GOLGA8R: variants seen among roughly 807,000 people sequenced by gnomAD.
GOLGA8R encodes the protein golgin A8 family member R, also known as golgin subfamily A member 8R.
GOLGA8R carries 6 observed loss-of-function variants against 21.4 expected under a neutral mutation model. That is an observed-to-expected ratio of 0.28 (90% CI 0.15 to 0.55). The LOEUF (loss-of-function observed/expected upper bound fraction) is 0.55. GOLGA8R is among the 20% of genes least tolerant of loss of function. The pLI, the probability that GOLGA8R is intolerant of heterozygous loss-of-function variation, is 0.94. For synonymous variants in GOLGA8R, 8 were observed against 49.3 expected (o/e 0.16, Z 3.51); for missense variants, 41 against 139.9 (o/e 0.29, Z 3.57).
intron 10 of GOLGA8R, 38 bp from the exon 11 acceptor site, chr15:30,408,030 GGGCTGGT>G: frequency 6.2e-7 from 1 of 1,612,452 alleles, no homozygotes; most frequent in South Asian, 1.1e-5. Flanking sequence ...CTGGAGAGAG[GGGCTGGT>G]GGCTGGACAG....
In GOLGA8R at chr15:30,401,031, TTAAA is replaced by T. The variant is rs1366604177; in HGVS notation, c.*2705_*2708del. On this transcript the variant is annotated 3_prime_UTR_variant, in exon 19 of 19. Transcript: ENST00000327271. The stretch of plus-strand genomic sequence containing the variant: ...AAATGATTATTATACATTGCCATCT[TTAAA>T]TAGGTATTTTGATTCTTCCTACAGA... Among the ~76,000 whole-genome samples, 1 of 52,426 alleles carries T rather than the reference TTAAA, an allele frequency of 1.9e-5. No homozygotes were observed. Among genetic ancestry groups the T allele is most frequent in the Non-Finnish European group, 4.2e-5 (1 of 23,790 alleles). The allele number at this position is 52,426 out of a possible 152,430, so 34.4% of individuals were successfully genotyped here.
Position 30,411,969 on chromosome 15 carries a change from G to C in GOLGA8R, c.168+360C>G, listed in dbSNP as rs2059127942. 2 of 152,202 alleles carry C rather than the reference G, an allele frequency of 1.3e-5. 1 individual carries two copies. 9.4% of individuals were successfully genotyped at this position (152,202 alleles called of 1,614,324 possible). On this transcript the variant is annotated intron_variant, in intron 2 of 18. Transcript: ENST00000327271. ...AGAGTCTTGCTCTGTCACCAGGCTG[G>C]AGTGCGGTGGCATAATCTTGGCCAC...
chr15:30,407,782 T>G, intron 11 of GOLGA8R, 126 bp downstream of exon 11: 1 of 1,595,796 alleles, frequency 6.3e-7, no homozygotes, highest in Non-Finnish European at 8.6e-7. Context: ...TGCGGTCTCC[T>G]GGCACAGATC....
intron 10 of GOLGA8R, 63 bp from the exon 11 acceptor site, chr15:30,408,055 T>G: frequency 6.7e-7 from 1 of 1,492,390 alleles, no homozygotes; most frequent in Non-Finnish European, 9.3e-7. Flanking sequence ...CAGGCTGCCC[T>G]CTCCTTCTCT....
At chr15:30,407,606 T>A (rs1192879534) in intron 11 of GOLGA8R, 75 bp from the exon 12 acceptor site, 1 of 629,342 alleles carries the variant, frequency 1.6e-6, no homozygotes, top group African/African-American at 1.8e-5. Flanking sequence ...GCACAGCTCC[T>A]CTCAGGCTCC....
intron 15 of GOLGA8R, among the ~76,000 whole-genome samples, 152 bp from the exon 16 acceptor site, chr15:30,404,684 GC>G (rs1297598972): frequency 1.2e-4 from 15 of 121,900 alleles, no homozygotes; most frequent in Non-Finnish European, 2.4e-4. Context: ...TCACAGACTC[GC>G]CCCCAGGCCC....
rs1031819052 is a variant in GOLGA8R at position 30,403,321 on chromosome 15, A to T, written c.*419T>A. On this transcript the variant is annotated 3_prime_UTR_variant, in exon 19 of 19. Transcript: ENST00000327271. ...TGTGATTAAGATTACATCAAACAACAGCAGAACATAGGCAAATTTTGTCTG... is the reference window on the plus strand; with the variant it reads ...TGTGATTAAGATTACATCAAACAACTGCAGAACATAGGCAAATTTTGTCTG... Among the ~76,000 whole-genome samples, 1 of 42,042 alleles carries T rather than the reference A, an allele frequency of 2.4e-5. No individual in the cohort carries two copies. The highest frequency in any genetic ancestry group is 2.6e-4 in the Admixed American group (1 of 3,866). The allele number at this position is 42,042 out of a possible 152,430, so 27.6% of individuals were successfully genotyped here.
At position 30,407,903 on chromosome 15, in the gene GOLGA8R, C is replaced by A; in HGVS notation, c.871+5G>T. On this transcript the variant is annotated splice_donor_5th_base_variant and intron_variant, in intron 11 of 18. Transcript: ENST00000327271. Reference sequence around the variant, plus strand: ...TGCTCCCAGGTCATGCCAGCCCCATCTTACCCGTCTGGTTTTTGAGTTTGG... The same window carrying A: ...TGCTCCCAGGTCATGCCAGCCCCATATTACCCGTCTGGTTTTTGAGTTTGG... 2 of 1,611,944 alleles carry A rather than the reference C, an allele frequency of 1.2e-6. No homozygotes were observed. Among genetic ancestry groups the A allele is most frequent in the Admixed American group, 1.7e-5 (1 of 60,016 alleles).
rs1478612002 is a variant in GOLGA8R, at chr15:30,400,936, CA to C, written c.*2803del. 3.2e-5 allele frequency among the ~76,000 whole-genome samples: 2 copies of C among 61,832 alleles called. No individual in the cohort carries two copies. Among genetic ancestry groups the C allele is most frequent in the African/African-American group, 9.4e-5 (2 of 21,260 alleles). The allele number at this position is 61,832 out of a possible 152,430, so 40.6% of individuals were successfully genotyped here. On this transcript the variant is annotated 3_prime_UTR_variant, in exon 19 of 19. Transcript: ENST00000327271. ...TTTACATTTTCAAATTTTCTAAAAT[CA>C]GCTTTGGTTTTAGAGCTGATTTTTT...
chr15:30,407,923 G>C lies in GOLGA8R; in HGVS notation c.856C>G (p.Leu286Val), dbSNP rs763367394. Residue 286 changes from leucine (L) to valine (V), a missense_variant, in exon 11 of 19, where the codon CTC becomes GTC. Physicochemically the swap from Leu to Val is conservative, Grantham distance 32. This residue lies in a region of GOLGA8R where 38 missense variants were observed against 32.6 expected (regional missense o/e 1.17). Coordinates refer to ENST00000327271, the MANE Select transcript of GOLGA8R (RefSeq NM_001282484.1). ...CCCATCTTACCCGTCTGGTTTTTGA[G>C]TTTGGACAAGCTCCACTCCAGCTGC... ...VEQLEWSLSK[L>V]KNQTAEPLPP... The C allele has an allele frequency of 3.7e-6, 6 of 1,610,640 alleles. No homozygotes were observed. The South Asian group carries it at 6.6e-5, about 18-fold the overall frequency.
In GOLGA8R at chr15:30,408,005, C is replaced by A. The variant is rs1319379856; in HGVS notation, c.787-13G>T. The A allele has an allele frequency of 1.9e-6, 3 of 1,613,196 alleles. No individual in the cohort carries two copies. The highest frequency in any genetic ancestry group is 4.5e-5 in the East Asian group (2 of 44,890). The stretch of plus-strand genomic sequence containing the variant: ...TTAATGTGCAAATCTGCCCAAAGCA[C>A]AGGGGGAAAGGGCCCTGGAGAGAGG... On this transcript the variant is annotated splice_polypyrimidine_tract_variant and intron_variant, in intron 10 of 18. Coordinates refer to ENST00000327271, the MANE Select transcript of GOLGA8R (RefSeq NM_001282484.1).
chr15:30,400,739 T>C lies in GOLGA8R; in HGVS notation c.*3001A>G, dbSNP rs2059047521. On this transcript the variant is annotated 3_prime_UTR_variant, in exon 19 of 19. Transcript: ENST00000327271. The stretch of plus-strand genomic sequence containing the variant: ...AACTTTGGACTGGAATTGGCATTTC[T>C]TTCTCTGCTTTTCGTTCCCACCATT... Among the ~76,000 whole-genome samples, 2 of 46,608 alleles carry C rather than the reference T, an allele frequency of 4.3e-5. No homozygotes were observed. The highest frequency in any genetic ancestry group is 9.2e-5 in the Non-Finnish European group (2 of 21,658). The allele number at this position is 46,608 out of a possible 152,430, so 30.6% of individuals were successfully genotyped here.
In GOLGA8R at chr15:30,407,901, A is replaced by T. The variant is rs770021892; in HGVS notation, c.871+7T>A. Reference sequence around the variant, plus strand: ...CCTGCTCCCAGGTCATGCCAGCCCCATCTTACCCGTCTGGTTTTTGAGTTT... The same window carrying T: ...CCTGCTCCCAGGTCATGCCAGCCCCTTCTTACCCGTCTGGTTTTTGAGTTT... On this transcript the variant is annotated splice_region_variant and intron_variant, in intron 11 of 18. Transcript: ENST00000327271. 6.2e-7 allele frequency: 1 copy of T among 1,611,734 alleles called. No homozygotes were observed. Among genetic ancestry groups the T allele is most frequent in the African/African-American group, 1.3e-5 (1 of 74,824 alleles).
In GOLGA8R at chr15:30,403,131, A is replaced by T. The variant is rs1027768159; in HGVS notation, c.*609T>A. Among the ~76,000 whole-genome samples the T allele has an allele frequency of 8.5e-6, 1 of 117,316 alleles. No homozygotes were observed. Among genetic ancestry groups the T allele is most frequent in the East Asian group, 2.3e-4 (1 of 4,314 alleles). 77.0% of individuals were successfully genotyped at this position (117,316 alleles called of 152,430 possible). On this transcript the variant is annotated 3_prime_UTR_variant, in exon 19 of 19. Transcript: ENST00000327271. ...GTGAGATTTAAAAAGCTCCCCCAAA[A>T]GGTTATCACTCCCATCACCAATACA...
At position 30,400,904 on chromosome 15, in the gene GOLGA8R, G is replaced by A. The variant is rs2059048124; in HGVS notation, c.*2836C>T. ...TTTTAGAGAAACTATATTATGGATA[G>A]GGCTGATTTACATTTTCAAATTTTC... is the stretch of plus-strand genomic sequence containing the variant. On this transcript the variant is annotated 3_prime_UTR_variant, in exon 19 of 19. Transcript: ENST00000327271. Among the ~76,000 whole-genome samples, 2 of 64,588 alleles carry A rather than the reference G, an allele frequency of 3.1e-5. No homozygotes were observed. The highest frequency in any genetic ancestry group is 3.4e-4 in the Admixed American group (2 of 5,866). The allele number at this position is 64,588 out of a possible 152,430, so 42.4% of individuals were successfully genotyped here.
rs530974127 is a variant in GOLGA8R, at chr15:30,400,867, T to C, written c.*2873A>G. ...TTTAATAGTTATTTTAAAATGACTC[T>C]TTAAAATAAAGTTTTAGAGAAACTA... is the stretch of plus-strand genomic sequence containing the variant. On this transcript the variant is annotated 3_prime_UTR_variant, in exon 19 of 19. Transcript: ENST00000327271. Among the ~76,000 whole-genome samples the C allele has an allele frequency of 1.5e-5, 1 of 66,182 alleles. No homozygotes were observed. Among genetic ancestry groups the C allele is most frequent in the South Asian group, 4.3e-4 (1 of 2,316 alleles). The allele number at this position is 66,182 out of a possible 152,430, so 43.4% of individuals were successfully genotyped here.
At position 30,402,865 on chromosome 15, in the gene GOLGA8R, G is replaced by C. The variant is rs1054026805; in HGVS notation, c.*875C>G. Reference sequence around the variant, plus strand: ...TGTAGATACAAATGCTCTAAGCTAGGAAAGGTTTTCCACATCCACAGTCAA... The same window carrying C: ...TGTAGATACAAATGCTCTAAGCTAGCAAAGGTTTTCCACATCCACAGTCAA... On this transcript the variant is annotated 3_prime_UTR_variant, in exon 19 of 19. Transcript: ENST00000327271. Among the ~76,000 whole-genome samples, 1 of 108,440 alleles carries C rather than the reference G, an allele frequency of 9.2e-6. No individual in the cohort carries two copies. Among genetic ancestry groups the C allele is most frequent in the Admixed American group, 9.7e-5 (1 of 10,266 alleles). The allele number at this position is 108,440 out of a possible 152,430, so 71.1% of individuals were successfully genotyped here.
chr15:30,402,676 C>CT lies in GOLGA8R; in HGVS notation c.*1063dup, dbSNP rs1261649397. The stretch of plus-strand genomic sequence containing the variant: ...TTCCTTCACTCTAATTCATTCTTGA[C>CT]TAGAGCCTGTATGCCTGTTCCAGGG... On this transcript the variant is annotated 3_prime_UTR_variant, in exon 19 of 19. Transcript: ENST00000327271. 3.6e-5 allele frequency among the ~76,000 whole-genome samples: 1 copy of CT among 27,942 alleles called. No homozygotes were observed. The highest frequency in any genetic ancestry group is 6.7e-5 in the Non-Finnish European group (1 of 14,904). The allele number at this position is 27,942 out of a possible 152,430, so 18.3% of individuals were successfully genotyped here.
chr15:30,410,380 C>A, intron 4 of GOLGA8R, 113 bp from the exon 5 acceptor site: 1 of 423,880 alleles, frequency 2.4e-6, no homozygotes, highest in Non-Finnish European at 4.2e-6. Context: ...AGTTCTCAGA[C>A]ATAATGGGAA....
Sources: allele counts gnomAD v4.1 joint callset (sites outside exome capture counted in the v4.1 genomes callset), GRCh38; gene constraint gnomAD v4.1.1; regional missense constraint gnomAD v4.1.1; transcripts MANE v1.5; gene names NCBI Gene and HGNC (gene_info 2026-07-23, HGNC 2026-07-21).